Variants in EYS observed in about 807,000 individuals in gnomAD.
EYS encodes the protein protein eyes shut homolog.
Under a neutral mutation model 282.1 loss-of-function variants are expected in EYS, and 250 were observed. The ratio of observed to expected loss-of-function variants is 0.89; its 90% CI spans 0.80 to 0.98. The LOEUF (loss-of-function observed/expected upper bound fraction) is 0.98, where lower values mean the gene tolerates loss of function less well. Ranked by LOEUF, EYS falls within the 50% of genes least tolerant of loss-of-function variation. The pLI is 0.00. For synonymous variants in EYS, 1,355 were observed against 1,282.9 expected (o/e 1.06, Z -1.20); for missense variants, 4,016 against 3,709.0 (o/e 1.08, Z -2.15).
At chr6:63,753,984 T>C (rs528869889) in intron 41 of EYS, among the ~76,000 whole-genome samples, 1 of 152,302 alleles carries the variant, frequency 6.6e-6, no homozygotes, top group African/African-American at 2.4e-5. Flanking sequence ...CACTTTCTAA[T>C]GCCCATTTAG....
intron 33 of EYS, among the ~76,000 whole-genome samples, chr6:64,022,326 A>T (rs1029921022): frequency 1.3e-5 from 2 of 152,206 alleles, no homozygotes; most frequent in African/African-American, 4.8e-5. Flanking sequence ...TTTCTGTCTA[A>T]AATGTTCTCA....
chr6:63,753,761 T>C (rs1769406372), intron 41 of EYS, among the ~76,000 whole-genome samples: 2 of 152,200 alleles, frequency 1.3e-5, no homozygotes, highest in African/African-American at 4.8e-5. Flanking sequence ...AACCATATCA[T>C]CTTTTCTTCT....
intron 29 of EYS, among the ~76,000 whole-genome samples, chr6:64,373,761 C>T (rs901792497): frequency 6.6e-6 from 1 of 152,138 alleles, no homozygotes; most frequent in Non-Finnish European, 1.5e-5. Context: ...TGCCTGCCAG[C>T]TAAGTTCCCA....
At chr6:65,373,930 G>A (rs1351040918) in intron 8 of EYS, among the ~76,000 whole-genome samples, 1 of 152,078 alleles carries the variant, frequency 6.6e-6, no homozygotes, top group Non-Finnish European at 1.5e-5. Context: ...ATTTTCCCTG[G>A]ATACATGTGA....
intron 11 of EYS, chr6:65,302,434 T>C: frequency 1.6e-6 from 1 of 632,818 alleles, no homozygotes; most frequent in Admixed American, 2.9e-5. Flanking sequence ...ATTAAACCCA[T>C]TTCACGAGGA....
At chr6:63,865,523 G>T (rs570246802) in intron 35 of EYS, among the ~76,000 whole-genome samples, 1 of 151,930 alleles carries the variant, frequency 6.6e-6, no homozygotes, top group South Asian at 2.1e-4. Flanking sequence ...CAGATCTTAG[G>T]AGTTTACATC....
At chr6:64,796,250 C>T (rs138873611) in intron 22 of EYS, among the ~76,000 whole-genome samples, 1 of 152,034 alleles carries the variant, frequency 6.6e-6, no homozygotes, top group African/African-American at 2.4e-5. Flanking sequence ...CCTTTAGTGC[C>T]TCAAATTTAT....
At chr6:65,680,343 A>G (rs1414487371) in intron 1 of EYS, among the ~76,000 whole-genome samples, 1 of 152,000 alleles carries the variant, frequency 6.6e-6, no homozygotes, top group African/African-American at 2.4e-5. Flanking sequence ...ATTACATAAG[A>G]TCCTGATAAT....
At chr6:63,840,301 T>C (rs1342156082) in intron 36 of EYS, among the ~76,000 whole-genome samples, 1 of 151,694 alleles carries the variant, frequency 6.6e-6, no homozygotes. Flanking sequence ...CTTGACCTCG[T>C]GATTCACCTG....
chr6:65,222,390 T>C (rs1176175045), intron 12 of EYS, among the ~76,000 whole-genome samples: 1 of 152,092 alleles, frequency 6.6e-6, no homozygotes, highest in Non-Finnish European at 1.5e-5. Flanking sequence ...GAACTGATGG[T>C]TTTATAAAGG....
Position 64,829,773 on chromosome 6 carries a change from T to C in EYS, c.2993-6951A>G, listed in dbSNP as rs1295061936. Among the ~76,000 whole-genome samples, 3 of 151,822 alleles carry C rather than the reference T, an allele frequency of 2.0e-5. No homozygotes were observed. In the South Asian group the frequency reaches 6.3e-4, roughly 32 times the overall value. ...TTCCCAATAGGTATAATATATGGAA[T>C]TGGGAACCAGGGGGTAAAAGTGAGT... is the stretch of plus-strand genomic sequence containing the variant. On this transcript the variant is annotated intron_variant, in intron 19 of 42. Transcript: ENST00000503581.
intron 31 of EYS, among the ~76,000 whole-genome samples, chr6:64,159,573 A>G (rs1307870794): frequency 1.3e-5 from 2 of 150,858 alleles, no homozygotes; most frequent in East Asian, 3.9e-4. Context: ...AAAAAAAAAA[A>G]AAAAAAAAAA....
intron 12 of EYS, among the ~76,000 whole-genome samples, chr6:65,155,509 G>T (rs1764711285): frequency 6.6e-6 from 1 of 151,460 alleles, no homozygotes; most frequent in South Asian, 2.1e-4. Flanking sequence ...GGGGGAGTTT[G>T]TAGATTAAAT....
chr6:65,161,729 A>G (rs749200083), intron 12 of EYS, among the ~76,000 whole-genome samples: 1 of 151,194 alleles, frequency 6.6e-6, no homozygotes, highest in Non-Finnish European at 1.5e-5. Flanking sequence ...AACTATATTC[A>G]TTTACAAACA....
intron 35 of EYS, among the ~76,000 whole-genome samples, chr6:63,881,715 A>G (rs1350088318): frequency 6.6e-6 from 1 of 152,134 alleles, no homozygotes; most frequent in Non-Finnish European, 1.5e-5. Context: ...TAGCCTGAAA[A>G]TGTTATTTCC....
intron 30 of EYS, among the ~76,000 whole-genome samples, chr6:64,288,482 C>CT (rs1002394007): frequency 6.6e-6 from 1 of 152,014 alleles, no homozygotes; most frequent in Non-Finnish European, 1.5e-5. Flanking sequence ...TGAGCAAATT[C>CT]TTTTTCTTTC....
intron 31 of EYS, among the ~76,000 whole-genome samples, chr6:64,195,713 A>T (rs1562248015): frequency 6.6e-6 from 1 of 152,192 alleles, no homozygotes; most frequent in Non-Finnish European, 1.5e-5. Context: ...TTTTATCCAG[A>T]ATACCTATTT....
In EYS at chr6:63,947,886, CAT is replaced by C; in HGVS notation, c.7055+36495_7055+36496del. 2.0e-5 allele frequency among the ~76,000 whole-genome samples: 3 copies of C among 152,224 alleles called. 1 individual carries two copies. Among genetic ancestry groups the C allele is most frequent in the Admixed American group, 2.0e-4 (3 of 15,282 alleles). On this transcript the variant is annotated intron_variant, in intron 35 of 42. Coordinates refer to ENST00000503581, the MANE Select transcript of EYS (RefSeq NM_001142800.2). Reference sequence around the variant, plus strand: ...AGCTGTTTCATACTGAAGGTCATGACATAACGTTATTCATTATTTAGGCCAAT... The same window carrying C: ...AGCTGTTTCATACTGAAGGTCATGACAACGTTATTCATTATTTAGGCCAAT...
chr6:64,342,196 AC>A (rs1234722874), intron 29 of EYS, among the ~76,000 whole-genome samples: 4 of 151,628 alleles, frequency 2.6e-5, no homozygotes, highest in Non-Finnish European at 4.4e-5. Flanking sequence ...CATTGGTGGT[AC>A]AAAAACGCAT....
Sources: gnomAD v4.1 joint callset for allele counts (sites outside exome capture counted in the v4.1 genomes callset) on GRCh38, gnomAD v4.1.1 for gene constraint, MANE v1.5 for transcripts, NCBI Gene and HGNC (gene_info 2026-07-23, HGNC 2026-07-21) for gene names.